Variants in PSG11 observed in about 807,000 individuals in gnomAD.
The protein encoded by PSG11 is pregnancy specific beta-1-glycoprotein 11, also known as pregnancy-specific beta-1-glycoprotein 11.
A neutral mutation model predicts 36.0 loss-of-function variants in PSG11; 42 were observed. The observed-to-expected ratio is 1.17, with a 90% CI of 0.91 to 1.51. The LOEUF (loss-of-function observed/expected upper bound fraction) is 1.51. PSG11 is among the 40% of genes most tolerant of loss of function. The pLI is 0.00. For synonymous variants in PSG11, 206 were observed against 153.5 expected (o/e 1.34, Z -2.53); for missense variants, 558 against 403.5 (o/e 1.38, Z -3.28).
At chr19:43,017,507 G>C (rs1259346124) in intron 3 of PSG11, 2 of 151,430 alleles carry the variant, frequency 1.3e-5, no homozygotes, top group Non-Finnish European at 2.9e-5. Flanking sequence ...TGTGAGAAAG[G>C]CTGATTGCTA....
chr19:43,019,865 A>G (rs1338515234), intron 2 of PSG11, among the ~76,000 whole-genome samples: 1 of 151,598 alleles, frequency 6.6e-6, no homozygotes, highest in African/African-American at 2.4e-5. Flanking sequence ...TTGCAAATGC[A>G]GAACTGACTG....
intron 4 of PSG11, among the ~76,000 whole-genome samples, chr19:43,012,221 C>T (rs1352024614): frequency 2.0e-5 from 3 of 151,228 alleles, no homozygotes; most frequent in East Asian, 1.9e-4. Context: ...TGAAAGCTTC[C>T]CCTCTATGAG....
chr19:43,024,538 CT>C, intron 2 of PSG11, 152 bp downstream of exon 2: 1 of 1,435,910 alleles, frequency 7.0e-7, no homozygotes, highest in Non-Finnish European at 9.6e-7. Context: ...AATTTGTCTC[CT>C]CTGTGTGTGT....
At chr19:43,015,898 A>G (rs758858092) in intron 3 of PSG11, 35 of 1,609,752 alleles carry the variant, frequency 2.2e-5, no homozygotes, top group Admixed American at 1.0e-4. Context: ...GGGTCGCTTT[A>G]CCCTGGGACT....
rs1225483889 is a variant in PSG11 at position 43,019,128 on chromosome 19, T to A, written c.431-80A>T. 9.6e-6 allele frequency: 15 copies of A among 1,561,956 alleles called. No homozygotes were observed. In the Middle Eastern group the frequency reaches 1.4e-3, roughly 145 times the overall value. On this transcript the variant is annotated intron_variant, in intron 2 of 5. Transcript: ENST00000320078. ...AGGCATTTTTCAATCAGAATTGGCA[T>A]TTGCCACCTCTCAGCCCACCCGAGT...
rs945560895 is a variant in PSG11 at position 43,026,209 on chromosome 19, G to A, written c.64+100C>T. The A allele has an allele frequency of 3.4e-5, 53 of 1,545,896 alleles. 1 individual carries two copies. In the African/African-American group the frequency reaches 6.0e-4, roughly 18 times the overall value. On this transcript the variant is annotated intron_variant, in intron 1 of 5. Coordinates refer to ENST00000320078, the MANE Select transcript of PSG11 (RefSeq NM_002785.3). ...ACCCACCTCAGCCTCCCTAAATGCT[G>A]GCTTTTTTATTTTTTAGAACCCCAG...
At chr19:43,015,854 T>G (rs748412760) in intron 3 of PSG11, 1 of 1,610,104 alleles carries the variant, frequency 6.2e-7, no homozygotes, top group South Asian at 1.1e-5. Flanking sequence ...TCATTTCTCG[T>G]GACACTGGGT....
intron 2 of PSG11, among the ~76,000 whole-genome samples, chr19:43,021,852 A>G (rs1160249464): frequency 6.6e-6 from 1 of 151,302 alleles, no homozygotes; most frequent in Non-Finnish European, 1.5e-5. Flanking sequence ...TGGGCTTTGG[A>G]GACTGCAGGC....
chr19:43,009,929 A>G (rs1974030854), intron 5 of PSG11, 29 bp downstream of exon 5: 3 of 1,499,448 alleles, frequency 2.0e-6, no homozygotes, highest in Non-Finnish European at 2.8e-6. Context: ...GCCCTGCAGG[A>G]ACCAGGATAA....
chr19:43,019,417 T>G (rs1341545875), intron 2 of PSG11: 3 of 245,918 alleles, frequency 1.2e-5, no homozygotes, highest in Non-Finnish European at 2.3e-5. Context: ...ATCTTCTTAG[T>G]TTCAGTCTTA....
At position 43,024,945 on chromosome 19, in the gene PSG11, G is replaced by A; in HGVS notation, c.176C>T (p.Pro59Leu). ...KDVLLLVHNL[P>L]QNLTGYIWYK... ...CCAGATGTAGCCAGTAAGATTCTGGGGCAAATTGTGGACAAGTAGAAGAAC... is the reference window on the plus strand; with the variant it reads ...CCAGATGTAGCCAGTAAGATTCTGGAGCAAATTGTGGACAAGTAGAAGAAC... The change falls in exon 2 of 6, where the codon CCC (proline) becomes CTC (leucine). Residue 59 changes from proline (P) to leucine (L), a missense_variant. Coordinates refer to ENST00000320078, the MANE Select transcript of PSG11 (RefSeq NM_002785.3). The A allele has an allele frequency of 2.5e-6, 4 of 1,611,726 alleles. No individual in the cohort carries two copies. The highest frequency in any genetic ancestry group is 2.5e-6 in the Non-Finnish European group (3 of 1,179,054).
chr19:43,019,853 G>C (rs1447705854), intron 2 of PSG11: 1 of 151,622 alleles, frequency 6.6e-6, no homozygotes, highest in Non-Finnish European at 1.5e-5. Context: ...ACATGTGGAT[G>C]TTTGCAAATG....
chr19:43,021,822 A>C (rs1967108446), intron 2 of PSG11, among the ~76,000 whole-genome samples: 1 of 151,374 alleles, frequency 6.6e-6, no homozygotes, highest in Non-Finnish European at 1.5e-5. Flanking sequence ...GTCATGAGTG[A>C]AACAGGTGAA....
rs1974071593 is a variant in PSG11 at position 43,011,325 on chromosome 19, C to G, written c.965-1284G>C. 2.0e-5 allele frequency among the ~76,000 whole-genome samples: 3 copies of G among 151,256 alleles called. No individual in the cohort carries two copies. The South Asian group carries it at 6.3e-4, about 32-fold the overall frequency. Reference sequence around the variant, plus strand: ...TGTGCAAGAAATTTATAACTGTAAACTCTTACATTAAAAAAGAAGAAAGAT... The same window carrying G: ...TGTGCAAGAAATTTATAACTGTAAAGTCTTACATTAAAAAAGAAGAAAGAT... On this transcript the variant is annotated intron_variant, in intron 4 of 5. Coordinates refer to ENST00000320078, the MANE Select transcript of PSG11 (RefSeq NM_002785.3).
In PSG11 at chr19:43,021,994, C is replaced by T. The variant is rs776089153; in HGVS notation, c.430+2697G>A. 5.3e-5 allele frequency among the ~76,000 whole-genome samples: 8 copies of T among 151,382 alleles called. 1 individual carries two copies. Among genetic ancestry groups the T allele is most frequent in the Non-Finnish European group, 8.8e-5 (6 of 67,900 alleles). On this transcript the variant is annotated intron_variant, in intron 2 of 5. Transcript: ENST00000320078. Reference sequence around the variant, plus strand: ...CACTCATTCCTGCACATAGACAAGGCTAACCTTGGGAGAAATTTAGTTTAT... The same window carrying T: ...CACTCATTCCTGCACATAGACAAGGTTAACCTTGGGAGAAATTTAGTTTAT...
intron 3 of PSG11, 160 bp downstream of exon 3, chr19:43,018,610 G>A (rs558943959): frequency 6.6e-7 from 1 of 1,519,364 alleles, no homozygotes; most frequent in Non-Finnish European, 9.1e-7. Flanking sequence ...ATCAAGCCTA[G>A]GCCTACTGTG....
chr19:43,017,684 C>T (rs1373251095), intron 3 of PSG11: 1 of 151,334 alleles, frequency 6.6e-6, no homozygotes, highest in African/African-American at 2.4e-5. Flanking sequence ...ATTGAATCTG[C>T]AACTCACTTT....
rs957552523 is a variant in PSG11 at position 43,017,013 on chromosome 19, G to C, written c.710-1643C>G. On this transcript the variant is annotated intron_variant, in intron 3 of 5. Transcript: ENST00000320078. Reference sequence around the variant, plus strand: ...GGATATTCTACTCTCTGATCCCCTGGGTTCGACTACTCTAGGGACCTCATG... The same window carrying C: ...GGATATTCTACTCTCTGATCCCCTGCGTTCGACTACTCTAGGGACCTCATG... 2.6e-5 allele frequency among the ~76,000 whole-genome samples: 4 copies of C among 151,324 alleles called. 1 individual carries two copies. Among genetic ancestry groups the C allele is most frequent in the Non-Finnish European group, 5.9e-5 (4 of 67,882 alleles).
intron 4 of PSG11, chr19:43,014,480 C>A (rs1966907374): frequency 1.0e-6 from 1 of 973,144 alleles, no homozygotes; most frequent in African/African-American, 1.8e-5. Context: ...TGCTTCTCTT[C>A]TTATTTCCTT....
Sources: gnomAD v4.1 joint callset for allele counts (sites outside exome capture counted in the v4.1 genomes callset) on GRCh38, gnomAD v4.1.1 for gene constraint, MANE v1.5 for transcripts, NCBI Gene and HGNC (gene_info 2026-07-23, HGNC 2026-07-21) for gene names.